MMP20: variants seen among roughly 807,000 people sequenced by gnomAD.
The protein encoded by MMP20 is matrix metalloproteinase-20.
Under a neutral mutation model 51.8 loss-of-function variants are expected in MMP20, and 50 were observed. That is an observed-to-expected ratio of 0.97 (90% CI 0.77 to 1.22). The LOEUF (loss-of-function observed/expected upper bound fraction) is 1.22, where lower values mean the gene tolerates loss of function less well. Ranked by LOEUF, MMP20 falls within the 50% of genes most tolerant of loss-of-function variation. The probability of loss-of-function intolerance (pLI) is 0.00; values close to 1 mark genes in which losing one functional copy is unlikely to be tolerated. For missense variants in MMP20, 663 were observed against 601.4 expected (o/e 1.10, Z -1.07); for synonymous variants, 244 against 216.2 (o/e 1.13, Z -1.13).
intron 8 of MMP20, among the ~76,000 whole-genome samples, chr11:102,592,656 C>T (rs1320031373): frequency 1.3e-5 from 2 of 152,240 alleles, no homozygotes; most frequent in Admixed American, 6.5e-5. Context: ...AGGTGTCTAG[C>T]ATTGTCACCT....
chr11:102,594,815 T>C (rs1291890749), intron 6 of MMP20, 58 bp from the exon 7 acceptor site: 2 of 1,587,030 alleles, frequency 1.3e-6, no homozygotes, highest in Non-Finnish European at 1.7e-6. Context: ...TTGATTTACA[T>C]ATAAAATTGC....
At chr11:102,607,841 G>A (rs1859539064) in intron 5 of MMP20, 1 of 150,280 alleles carries the variant, frequency 6.7e-6, no homozygotes, top group Non-Finnish European at 1.5e-5. Flanking sequence ...CACAGGAATC[G>A]CTTCCCATTG....
intron 1 of MMP20, among the ~76,000 whole-genome samples, chr11:102,619,746 G>A (rs1363833914): frequency 6.6e-6 from 1 of 151,682 alleles, no homozygotes; most frequent in Non-Finnish European, 1.5e-5. Context: ...ATGGATTTAA[G>A]ATGATGTATT....
At position 102,609,031 on chromosome 11, in the gene MMP20, G is replaced by T. The variant is rs377191656; in HGVS notation, c.717C>A (p.Asp239Glu). ...GHALGLAHST[D>E]PSALMYPTYK... ...AAGTTGGGTACATCAGTGCTGATGG[G>T]TCTGTGGAATGGGCCAGGCCCAGGG... Residue 239 changes from aspartate (D) to glutamate (E), a missense_variant, in exon 5 of 10, where the codon GAC becomes GAA. Coordinates refer to ENST00000260228, the MANE Select transcript of MMP20 (RefSeq NM_004771.4). The T allele has an allele frequency of 1.2e-6, 2 of 1,613,962 alleles. No individual in the cohort carries two copies. Among genetic ancestry groups the T allele is most frequent in the Non-Finnish European group, 1.7e-6 (2 of 1,179,818 alleles).
intron 1 of MMP20, among the ~76,000 whole-genome samples, chr11:102,621,701 G>A (rs1242386425): frequency 6.6e-6 from 1 of 152,130 alleles, no homozygotes; most frequent in East Asian, 1.9e-4. Flanking sequence ...AAAGGAAATG[G>A]TCAAATAAAT....
Position 102,586,816 on chromosome 11 carries a change from CA to C in MMP20, c.1247+6622del, listed in dbSNP as rs201499041. ...TGGGGGACAGAGCAAGACTCCGCCT[CA>C]AAAAAAAAAAATTGTTTCTTTTTTA... On this transcript the variant is annotated intron_variant, in intron 8 of 9. Coordinates refer to ENST00000260228, the MANE Select transcript of MMP20 (RefSeq NM_004771.4). Among the ~76,000 whole-genome samples, 896 of 138,456 alleles carry C rather than the reference CA, an allele frequency of 6.5e-3. 29 individuals are homozygous for C. In the East Asian group the frequency reaches 0.088, roughly 14 times the overall value. The allele number at this position is 138,456 out of a possible 152,430, so 90.8% of individuals were successfully genotyped here. A position where few individuals can be genotyped will look rare whatever the true frequency, so the allele number is the denominator to read the frequency against.
chr11:102,625,228 G>C lies in MMP20; in HGVS notation c.92C>G (p.Pro31Arg), dbSNP rs61730847. 5.0e-6 allele frequency: 8 copies of C among 1,613,860 alleles called. No individual in the cohort carries two copies. In the African/African-American group the frequency reaches 1.1e-4, roughly 22 times the overall value. ...GCGGTAGTTGTTCCTCCAGGTCCTG[G>C]GGGAGGCTGCAACTAGGGAGGGGGC... The part of the protein sequence containing the change: ...TAAPSLVAAS[P>R]RTWRNNYRLA... The change falls in exon 1 of 10, where the codon CCC (proline) becomes CGC (arginine). Residue 31 changes from proline to arginine, a missense_variant. Physicochemically the swap from Pro to Arg is moderately radical, Grantham distance 103 (BLOSUM62 -2). Coordinates refer to ENST00000260228, the MANE Select transcript of MMP20 (RefSeq NM_004771.4).
At chr11:102,610,288 A>T (rs1015660442) in intron 3 of MMP20, among the ~76,000 whole-genome samples, 1 of 151,916 alleles carries the variant, frequency 6.6e-6, no homozygotes, top group African/African-American at 2.4e-5. Flanking sequence ...TGCTATCATG[A>T]CATCTGTTAA....
chr11:102,610,123 C>A (rs747642095), intron 3 of MMP20, 93 bp from the exon 4 acceptor site: 4 of 1,362,968 alleles, frequency 2.9e-6, no homozygotes, highest in Admixed American at 1.9e-5. Context: ...TTTTGAGTAG[C>A]ATTGACACTT....
At chr11:102,597,523 G>T (rs995562785) in intron 6 of MMP20, among the ~76,000 whole-genome samples, 2 of 152,118 alleles carry the variant, frequency 1.3e-5, no homozygotes, top group African/African-American at 4.8e-5. Flanking sequence ...GACAATTTTG[G>T]TTGTCACAGG....
intron 2 of MMP20, 73 bp downstream of exon 2, chr11:102,616,739 T>C: frequency 6.3e-7 from 1 of 1,587,490 alleles, no homozygotes; most frequent in South Asian, 1.1e-5. Context: ...AGAAGGAAAA[T>C]ATTTTTTCAA....
rs767467648 is a variant in MMP20 at position 102,609,932 on chromosome 11, C to T, written c.622G>A (p.Ala208Thr). Residue 208 changes from alanine (A) to threonine (T), a missense_variant, in exon 4 of 10, where the codon GCT (alanine) becomes ACT (threonine). Coordinates refer to ENST00000260228, the MANE Select transcript of MMP20 (RefSeq NM_004771.4). ...GLGGDTHFDN[A>T]EKWTMGTNGF... ...TTCGTTCCCATAGTCCACTTCTCAG[C>T]ATTGTCGAAATGTGTATCTCCTCCC... 10 of 1,614,144 alleles carry T rather than the reference C, an allele frequency of 6.2e-6. No homozygotes were observed. The East Asian group carries it at 1.8e-4, about 29-fold the overall frequency.
chr11:102,578,625 A>C (rs1389312100), intron 9 of MMP20, among the ~76,000 whole-genome samples: 2 of 152,222 alleles, frequency 1.3e-5, no homozygotes, highest in African/African-American at 4.8e-5. Flanking sequence ...AGTCCCAGCT[A>C]CTTGGGAGGC....
chr11:102,577,810 C>T (rs765828778), intron 9 of MMP20, among the ~76,000 whole-genome samples: 11 of 152,164 alleles, frequency 7.2e-5, no homozygotes, highest in Non-Finnish European at 1.3e-4. Flanking sequence ...TGACTGCTGC[C>T]GATTCTGATA....
intron 9 of MMP20, among the ~76,000 whole-genome samples, chr11:102,578,720 G>A (rs542389179): frequency 1.9e-4 from 29 of 151,812 alleles, no homozygotes; most frequent in African/African-American, 6.5e-4. Flanking sequence ...TGGCCACAGA[G>A]CGAGACTCCG....
intron 1 of MMP20, among the ~76,000 whole-genome samples, chr11:102,619,284 C>A (rs1019985804): frequency 6.6e-6 from 1 of 152,140 alleles, no homozygotes; most frequent in Admixed American, 6.5e-5. Flanking sequence ...TCTCTGAGAT[C>A]ATTGATTTCA....
chr11:102,582,816 G>A (rs576997416), intron 8 of MMP20, among the ~76,000 whole-genome samples: 3 of 152,242 alleles, frequency 2.0e-5, no homozygotes, highest in South Asian at 2.1e-4. Context: ...AATATTAAAT[G>A]AGTATCAAAA....
intron 1 of MMP20, among the ~76,000 whole-genome samples, chr11:102,623,548 A>C (rs1298241452): frequency 6.6e-6 from 1 of 152,158 alleles, no homozygotes; most frequent in African/African-American, 2.4e-5. Context: ...GTCCATGAAA[A>C]ACTGTCTTCT....
chr11:102,588,064 C>T (rs757131565), intron 8 of MMP20, among the ~76,000 whole-genome samples: 23 of 152,042 alleles, frequency 1.5e-4, no homozygotes, highest in Non-Finnish European at 3.4e-4. Context: ...TAAAAATTTT[C>T]TAATGTAACA....
Sources: allele counts gnomAD v4.1 joint callset (sites outside exome capture counted in the v4.1 genomes callset), GRCh38; gene constraint gnomAD v4.1.1; transcripts MANE v1.5; gene names NCBI Gene and HGNC (gene_info 2026-07-23, HGNC 2026-07-21).